FAM193A: variants seen among roughly 807,000 people sequenced by gnomAD.
FAM193A encodes family with sequence similarity 193 member A.
Under a neutral mutation model 126.5 loss-of-function variants are expected in FAM193A, and 22 were observed. That is an observed-to-expected ratio of 0.17 (90% CI 0.12 to 0.25). The LOEUF (loss-of-function observed/expected upper bound fraction) is 0.25, where lower values mean the gene tolerates loss of function less well. Ranked by LOEUF, FAM193A falls within the 10% of genes least tolerant of loss-of-function variation. FAM193A has a pLI of 1.00. For missense variants in FAM193A, 1,675 were observed against 1,672.8 expected, an observed-to-expected ratio of 1.00 and a Z score of -0.02; for synonymous variants, 761 against 646.8, an observed-to-expected ratio of 1.18 and a Z score of -2.68.
At chr4:2,723,069 C>A (rs1019957050) in intron 20 of FAM193A, among the ~76,000 whole-genome samples, 7 of 152,026 alleles carry the variant, frequency 4.6e-5, no homozygotes, top group African/African-American at 1.7e-4. Context: ...GTCAGGAGAT[C>A]GAGACCATCC....
chr4:2,702,969 CTTTT>C (rs896625061), intron 19 of FAM193A, among the ~76,000 whole-genome samples: 1 of 151,250 alleles, frequency 6.6e-6, no homozygotes. Context: ...CCCAGTTCCT[CTTTT>C]TTTTTAATCT....
At chr4:2,546,450 ATT>A (rs1737559239) in intron 1 of FAM193A, among the ~76,000 whole-genome samples, 1 of 152,074 alleles carries the variant, frequency 6.6e-6, no homozygotes, top group Non-Finnish European at 1.5e-5. Context: ...CTTGGCAGCC[ATT>A]ACTGTGTTGC....
chr4:2,647,701 C>T (rs1406554878), intron 7 of FAM193A, among the ~76,000 whole-genome samples: 2 of 152,214 alleles, frequency 1.3e-5, no homozygotes, highest in African/African-American at 2.4e-5. Flanking sequence ...CACCCCTGGC[C>T]TGCCTGCTCT....
intron 7 of FAM193A, among the ~76,000 whole-genome samples, chr4:2,650,291 C>T (rs181702898): frequency 6.6e-6 from 1 of 152,332 alleles, no homozygotes; most frequent in Admixed American, 6.5e-5. Flanking sequence ...GGGACCACTG[C>T]TCTAGAGCAC....
In FAM193A at chr4:2,675,461, G is replaced by C. The variant is rs534956676; in HGVS notation, c.2331+3089G>C. Among the ~76,000 whole-genome samples the C allele has an allele frequency of 2.0e-5, 3 of 152,232 alleles. No individual in the cohort carries two copies. In the East Asian group the frequency reaches 5.8e-4, roughly 29 times the overall value. Reference sequence around the variant, plus strand: ...CGGCACACACATTGAGAATTGTTACGTCGTCTTGGAGAATTGACCCTTTTT... The same window carrying C: ...CGGCACACACATTGAGAATTGTTACCTCGTCTTGGAGAATTGACCCTTTTT... On this transcript the variant is annotated intron_variant, in intron 13 of 20. Transcript: ENST00000637812.
At position 2,716,049 on chromosome 4, in the gene FAM193A, G is replaced by T; in HGVS notation, c.4399G>T (p.Asp1467Tyr). 1 of 1,605,322 alleles carries T rather than the reference G, an allele frequency of 6.2e-7. No homozygotes were observed. Among genetic ancestry groups the T allele is most frequent in the South Asian group, 1.1e-5 (1 of 90,862 alleles). Residue 1467 changes from aspartate (D) to tyrosine (Y), a missense_variant, in exon 20 of 21, where the codon GAC (aspartate) becomes TAC (tyrosine). By Grantham distance (160) the Asp-to-Tyr change is radical. This residue lies in a region of FAM193A where 415 missense variants were observed against 396.7 expected (regional missense o/e 1.05). Transcript: ENST00000637812. The stretch of plus-strand genomic sequence containing the variant: ...TGATGTCTTTCTACCTAAAGATATT[G>T]ACCTAGACAGTGTGGATATGGATGA... ...IDDVFLPKDI[D>Y]LDSVDMDETE...
At chr4:2,674,025 G>T (rs1311634078) in intron 13 of FAM193A, among the ~76,000 whole-genome samples, 1 of 152,170 alleles carries the variant, frequency 6.6e-6, no homozygotes, top group Non-Finnish European at 1.5e-5. Flanking sequence ...CAAATATGGA[G>T]TCAAGCCATA....
intron 13 of FAM193A, among the ~76,000 whole-genome samples, chr4:2,687,558 A>G (rs1417058367): frequency 1.3e-5 from 2 of 152,140 alleles, no homozygotes; most frequent in African/African-American, 2.4e-5. Context: ...GTGCCTCCTC[A>G]TAGTGGAGCC....
At chr4:2,586,785 C>A (rs1399039139) in intron 1 of FAM193A, among the ~76,000 whole-genome samples, 1 of 152,254 alleles carries the variant, frequency 6.6e-6, no homozygotes, top group East Asian at 1.9e-4. Context: ...TCCTGAGTGG[C>A]TGGGACTACA....
At chr4:2,718,864 A>C in intron 20 of FAM193A, among the ~76,000 whole-genome samples, 1 of 152,226 alleles carries the variant, frequency 6.6e-6, no homozygotes, top group Non-Finnish European at 1.5e-5. Context: ...TGCAAAATCA[A>C]CCTGAGGTAA....
At chr4:2,570,322 C>G (rs983321359) in intron 1 of FAM193A, among the ~76,000 whole-genome samples, 5 of 152,144 alleles carry the variant, frequency 3.3e-5, no homozygotes, top group African/African-American at 1.2e-4. Context: ...GAAAGCAGTA[C>G]ATTCTATGAG....
At chr4:2,621,010 G>A (rs889504113) in intron 2 of FAM193A, among the ~76,000 whole-genome samples, 1 of 152,072 alleles carries the variant, frequency 6.6e-6, no homozygotes, top group Non-Finnish European at 1.5e-5. Flanking sequence ...CTGACATGGA[G>A]GGGGTGTCAT....
chr4:2,566,735 T>G (rs1738982436), intron 1 of FAM193A, among the ~76,000 whole-genome samples: 1 of 152,106 alleles, frequency 6.6e-6, no homozygotes, highest in South Asian at 2.1e-4. Flanking sequence ...TGTGTGTGTG[T>G]ATATTTGCTA....
At chr4:2,669,355 G>T (rs1053674328) in intron 12 of FAM193A, among the ~76,000 whole-genome samples, 1 of 151,926 alleles carries the variant, frequency 6.6e-6, no homozygotes, top group Non-Finnish European at 1.5e-5. Context: ...GGTGTCTCAC[G>T]CCCAGCACTT....
intron 19 of FAM193A, among the ~76,000 whole-genome samples, chr4:2,707,229 A>G (rs1349508139): frequency 6.6e-6 from 1 of 152,200 alleles, no homozygotes; most frequent in African/African-American, 2.4e-5. Context: ...TCCTTCCAAG[A>G]ACAAGGGATG....
chr4:2,696,737 G>A, intron 18 of FAM193A, 144 bp downstream of exon 18: 1 of 630,010 alleles, frequency 1.6e-6, no homozygotes. Flanking sequence ...TGTTCTGAGA[G>A]CCAGCCTGTC....
chr4:2,623,738 C>G (rs1199035452), intron 2 of FAM193A, among the ~76,000 whole-genome samples: 1 of 152,202 alleles, frequency 6.6e-6, no homozygotes, highest in Non-Finnish European at 1.5e-5. Context: ...GTCTCAGTGG[C>G]TTCATGCTTG....
At chr4:2,617,523 C>T in intron 2 of FAM193A, among the ~76,000 whole-genome samples, 1 of 151,510 alleles carries the variant, frequency 6.6e-6, no homozygotes, top group Non-Finnish European at 1.5e-5. Context: ...CTCGCCTTCC[C>T]AAAGTGCTGG....
chr4:2,628,467 C>T (rs1743197818), intron 4 of FAM193A, among the ~76,000 whole-genome samples: 1 of 151,962 alleles, frequency 6.6e-6, no homozygotes, highest in African/African-American at 2.4e-5. Context: ...AGTGACTTGT[C>T]TCTACACAAA....
Sources: allele counts gnomAD v4.1 joint callset (sites outside exome capture counted in the v4.1 genomes callset), GRCh38; gene constraint gnomAD v4.1.1; regional missense constraint gnomAD v4.1.1; transcripts MANE v1.5; gene names NCBI Gene and HGNC (gene_info 2026-07-23, HGNC 2026-07-21).